Variants in PLEKHM3 observed in about 807,000 individuals in gnomAD.
The protein encoded by PLEKHM3 is pleckstrin homology domain-containing family M member 3.
A neutral mutation model predicts 81.8 loss-of-function variants in PLEKHM3; 45 were observed. That is an observed-to-expected ratio of 0.55 (90% CI 0.43 to 0.71). The LOEUF is 0.71. Among genes scored for constraint, PLEKHM3 ranks in the 30% least tolerant of loss-of-function variants. The pLI is 0.00. For missense variants in PLEKHM3, 788 were observed against 924.3 expected, an observed-to-expected ratio of 0.85 and a Z score of 1.91; for synonymous variants, 352 against 356.4, an observed-to-expected ratio of 0.99 and a Z score of 0.14.
At chr2:207,984,632 C>T (rs1399022631) in intron 2 of PLEKHM3, among the ~76,000 whole-genome samples, 11 of 152,196 alleles carry the variant, frequency 7.2e-5, no homozygotes, top group African/African-American at 1.7e-4. Context: ...CCACCCACCT[C>T]GGCCTCCCAA....
chr2:208,013,205 C>T (rs1264079454), intron 1 of PLEKHM3, among the ~76,000 whole-genome samples: 3 of 152,132 alleles, frequency 2.0e-5, no homozygotes, highest in East Asian at 3.9e-4. Context: ...ACAACAAAAC[C>T]AATCATTCCT....
At chr2:207,913,007 T>C (rs1306404562) in intron 5 of PLEKHM3, among the ~76,000 whole-genome samples, 1 of 152,156 alleles carries the variant, frequency 6.6e-6, no homozygotes, top group Non-Finnish European at 1.5e-5. Context: ...TCCTCTGCTG[T>C]GGCTGAGGTC....
chr2:207,970,691 TG>T (rs570220329), intron 3 of PLEKHM3, among the ~76,000 whole-genome samples: 122 of 152,274 alleles, frequency 8.0e-4, no homozygotes, highest in Admixed American at 1.4e-3. Flanking sequence ...AGAGGGGATT[TG>T]TACCTCCTGT....
chr2:207,949,784 A>AT (rs1190398230), intron 3 of PLEKHM3, among the ~76,000 whole-genome samples: 4 of 151,974 alleles, frequency 2.6e-5, no homozygotes, highest in Admixed American at 6.5e-5. Context: ...ACTAAAAAAA[A>AT]TTTTTTTTGA....
At chr2:207,875,046 C>T (rs913075447) in intron 6 of PLEKHM3, among the ~76,000 whole-genome samples, 1 of 151,572 alleles carries the variant, frequency 6.6e-6, no homozygotes, top group Admixed American at 6.6e-5. Flanking sequence ...ATTTTGTAAT[C>T]TTAGATGCTA....
intron 2 of PLEKHM3, among the ~76,000 whole-genome samples, chr2:207,980,823 G>A (rs187139765): frequency 2.0e-4 from 30 of 152,202 alleles, no homozygotes; most frequent in African/African-American, 7.0e-4. Flanking sequence ...TGTTTGTCAT[G>A]TAATTTTTTG....
chr2:207,923,554 C>T (rs2105925612), intron 5 of PLEKHM3, among the ~76,000 whole-genome samples: 1 of 152,060 alleles, frequency 6.6e-6, no homozygotes, highest in South Asian at 2.1e-4. Context: ...TTGCGGTGAG[C>T]CGAGATGGCA....
rs2022149 is a variant in PLEKHM3 at position 207,843,780 on chromosome 2, C to T, written c.2109-15284G>A. Among the ~76,000 whole-genome samples the T allele has an allele frequency of 0.24, 36,763 of 151,984 alleles. 4,738 individuals carry two copies. Among genetic ancestry groups the T allele is most frequent in the Non-Finnish European group, 0.29 (19,556 of 67,928 alleles). ...AATTTCCTTTCCACCATCACAGATT[C>T]GCTTTCTGGAAAAAAACGTGGAATT... On this transcript the variant is annotated intron_variant, in intron 7 of 7. Transcript: ENST00000427836. The surrounding 1 kb of genome is among the most constrained non-coding windows in gnomAD (Gnocchi z 4.4).
intron 7 of PLEKHM3, chr2:207,851,198 C>T (rs1474131796): frequency 7.1e-6 from 1 of 141,080 alleles, no homozygotes. Flanking sequence ...CCTTCTTATT[C>T]TCAATCAAGG....
At chr2:207,880,205 G>A (rs1047494362) in intron 6 of PLEKHM3, among the ~76,000 whole-genome samples, 11 of 152,138 alleles carry the variant, frequency 7.2e-5, no homozygotes, top group South Asian at 4.2e-4. Flanking sequence ...CCAGGAGTTC[G>A]AGACCAGCCT....
At chr2:207,960,955 T>A (rs971511046) in intron 3 of PLEKHM3, among the ~76,000 whole-genome samples, 1 of 152,218 alleles carries the variant, frequency 6.6e-6, no homozygotes, top group African/African-American at 2.4e-5. Context: ...AATTAGGATA[T>A]GTCACTTTTG....
chr2:207,870,257 G>C (rs2092525945), intron 6 of PLEKHM3, among the ~76,000 whole-genome samples: 1 of 152,220 alleles, frequency 6.6e-6, no homozygotes, highest in Non-Finnish European at 1.5e-5. Flanking sequence ...AGAAAAAAGA[G>C]AGGAAAAAGC....
At chr2:207,925,140 G>GTTTTTTT (rs1189512339) in intron 5 of PLEKHM3, among the ~76,000 whole-genome samples, 1 of 118,286 alleles carries the variant, frequency 8.5e-6, no homozygotes, top group Non-Finnish European at 2.0e-5. Context: ...TTGTTTTTTT[G>GTTTTTTT]TTTTTTGTTT....
intron 5 of PLEKHM3, among the ~76,000 whole-genome samples, chr2:207,927,279 A>C (rs1280343414): frequency 1.3e-5 from 2 of 152,146 alleles, no homozygotes; most frequent in Non-Finnish European, 2.9e-5. Context: ...ATTACATATA[A>C]AGGTATTGGT....
intron 7 of PLEKHM3, among the ~76,000 whole-genome samples, chr2:207,834,962 C>A (rs1275625579): frequency 6.9e-6 from 1 of 145,250 alleles, no homozygotes. Flanking sequence ...TTTTTTGAGA[C>A]GGAGTTTCAC....
chr2:207,832,521 G>A (rs1407606427), intron 7 of PLEKHM3, among the ~76,000 whole-genome samples: 3 of 152,244 alleles, frequency 2.0e-5, no homozygotes, highest in African/African-American at 7.2e-5. Context: ...GCCGGGTGCA[G>A]TGGCTCATGC....
At chr2:207,960,715 C>T (rs1395914342) in intron 3 of PLEKHM3, among the ~76,000 whole-genome samples, 1 of 152,162 alleles carries the variant, frequency 6.6e-6, no homozygotes, top group African/African-American at 2.4e-5. Context: ...AGATGAAGAT[C>T]ACACAGGAGA....
rs747196177 is a variant in PLEKHM3, at chr2:207,966,563, T to C, written c.1546+10088A>G. On this transcript the variant is annotated intron_variant, in intron 3 of 7. Coordinates refer to ENST00000427836, the MANE Select transcript of PLEKHM3 (RefSeq NM_001080475.3). ...ATAGATGTGGATGAGTATTTTTTCT[T>C]TTTTTTTGAGACGGAGTCTCCCTCT... Among the ~76,000 whole-genome samples, 20 of 152,060 alleles carry C rather than the reference T, an allele frequency of 1.3e-4. 1 individual carries two copies. The highest frequency in any genetic ancestry group is 4.1e-4 in the South Asian group (2 of 4,828).
chr2:207,904,391 C>T lies in PLEKHM3; in HGVS notation c.1950+4123G>A, dbSNP rs146192296. Among the ~76,000 whole-genome samples the T allele has an allele frequency of 9.3e-4, 141 of 152,244 alleles. 2 individuals are homozygous for T. In the Middle Eastern group the frequency reaches 0.017, roughly 18 times the overall value. ...TGTGTCTTATGCTTCTTCCTTGGCC[C>T]TGCTACTAGGCCAGGTTTACTTGGC... On this transcript the variant is annotated intron_variant, in intron 6 of 7. Coordinates refer to ENST00000427836, the MANE Select transcript of PLEKHM3 (RefSeq NM_001080475.3).
Sources: gnomAD v4.1 joint callset for allele counts (sites outside exome capture counted in the v4.1 genomes callset) on GRCh38, gnomAD v4.1.1 for gene constraint, Gnocchi (gnomAD v3.1) non-coding constraint, MANE v1.5 for transcripts, NCBI Gene and HGNC (gene_info 2026-07-23, HGNC 2026-07-21) for gene names.